Variants in CCSER2 observed in about 807,000 individuals in gnomAD.
CCSER2 encodes the protein serine-rich coiled-coil domain-containing protein 2.
Under a neutral mutation model 92.3 loss-of-function variants are expected in CCSER2, and 46 were observed. The ratio of observed to expected loss-of-function variants is 0.50; its 90% CI spans 0.39 to 0.64. The LOEUF is 0.64. Among genes scored for constraint, CCSER2 ranks in the 30% least tolerant of loss-of-function variants. The probability of loss-of-function intolerance (pLI) is 0.00; values close to 1 mark genes in which losing one functional copy is unlikely to be tolerated. For synonymous variants in CCSER2, 433 were observed against 431.4 expected (o/e 1.00, Z -0.04); for missense variants, 1,244 against 1,238.9 (o/e 1.00, Z -0.06).
At chr10:84,330,412 T>A (rs1406201652) in intron 1 of CCSER2, among the ~76,000 whole-genome samples, 2 of 152,224 alleles carry the variant, frequency 1.3e-5, no homozygotes, top group Non-Finnish European at 2.9e-5. Flanking sequence ...GTCTAGACAT[T>A]TCATCCCTCT....
At chr10:84,420,142 A>G (rs746116351) in intron 4 of CCSER2, among the ~76,000 whole-genome samples, 3 of 152,240 alleles carry the variant, frequency 2.0e-5, no homozygotes, top group African/African-American at 4.8e-5. Flanking sequence ...AGTAGAAAGA[A>G]AGGATCTTAG....
rs1413366087 is a variant in CCSER2, at chr10:84,371,047, T to A, written c.-6T>A. 7.5e-5 allele frequency: 118 copies of A among 1,564,010 alleles called. 1 individual carries two copies. The highest frequency in any genetic ancestry group is 1.0e-4 in the Non-Finnish European group (117 of 1,157,448). ...AACTTTTAAGAACAAATGCACCTTA[T>A]AGCTCATGGAAGAAAAAACACAAAT... On this transcript the variant is annotated 5_prime_UTR_variant, in exon 2 of 10. Coordinates refer to ENST00000372088, the MANE Select transcript of CCSER2 (RefSeq NM_001284240.2).
intron 6 of CCSER2, among the ~76,000 whole-genome samples, chr10:84,442,487 A>T (rs114217679): frequency 1.3e-5 from 2 of 152,214 alleles, no homozygotes; most frequent in African/African-American, 4.8e-5. Context: ...ATCTATCTAT[A>T]TCTACATCTG....
chr10:84,341,537 A>G (rs11592255), intron 1 of CCSER2, among the ~76,000 whole-genome samples: 18,692 of 151,748 alleles, frequency 0.12, 1,427 homozygotes, highest in Admixed American at 0.22. Flanking sequence ...CTGGACACCA[A>G]GCAATTCTGA....
intron 2 of CCSER2, among the ~76,000 whole-genome samples, chr10:84,372,702 T>C (rs1047766336): frequency 1.3e-5 from 2 of 152,136 alleles, no homozygotes; most frequent in African/African-American, 4.8e-5. Context: ...TTGTTGTTCT[T>C]TGGCTGTTAT....
intron 1 of CCSER2, among the ~76,000 whole-genome samples, chr10:84,336,327 A>G (rs1365469782): frequency 1.3e-4 from 20 of 152,212 alleles, no homozygotes; most frequent in Admixed American, 1.3e-3. Context: ...TGGAGCTTAC[A>G]TTCTAATGAC....
chr10:84,429,019 A>G (rs1843611489), intron 5 of CCSER2, among the ~76,000 whole-genome samples: 1 of 149,360 alleles, frequency 6.7e-6, no homozygotes, highest in African/African-American at 2.5e-5. Flanking sequence ...ATATATACAC[A>G]CTTAAGAAAT....
At chr10:84,513,121 G>A (rs2131887944) in intron 9 of CCSER2, among the ~76,000 whole-genome samples, 1 of 152,198 alleles carries the variant, frequency 6.6e-6, no homozygotes, top group Non-Finnish European at 1.5e-5. Flanking sequence ...GAATCATTCT[G>A]TCAAGCTCTA....
intron 6 of CCSER2, among the ~76,000 whole-genome samples, chr10:84,460,081 T>C (rs2133647688): frequency 7.0e-6 from 1 of 143,262 alleles, no homozygotes; most frequent in East Asian, 2.2e-4. Context: ...TGGTTTTGAT[T>C]CTTCGATTTT....
chr10:84,421,547 C>T (rs1394364199), intron 4 of CCSER2, among the ~76,000 whole-genome samples: 2 of 152,166 alleles, frequency 1.3e-5, no homozygotes, highest in African/African-American at 4.8e-5. Context: ...ATGGAGGAAA[C>T]TGCCCCCATG....
chr10:84,381,725 C>T (rs1424451098), intron 3 of CCSER2, among the ~76,000 whole-genome samples: 2 of 151,904 alleles, frequency 1.3e-5, no homozygotes, highest in Non-Finnish European at 2.9e-5. Context: ...GTCAGGAGTT[C>T]AAGACCAGCC....
chr10:84,441,782 G>A (rs920348863), intron 6 of CCSER2, among the ~76,000 whole-genome samples: 28 of 102,760 alleles, frequency 2.7e-4, no homozygotes, highest in African/African-American at 1.0e-3. Flanking sequence ...TTTTTGAGAC[G>A]AAGTCTCGCT....
At chr10:84,408,888 G>T (rs1332048827) in intron 3 of CCSER2, among the ~76,000 whole-genome samples, 1 of 152,104 alleles carries the variant, frequency 6.6e-6, no homozygotes, top group Non-Finnish European at 1.5e-5. Flanking sequence ...ATTTTGGGGG[G>T]AATGAAATTA....
intron 9 of CCSER2, among the ~76,000 whole-genome samples, chr10:84,510,644 G>A (rs1359282016): frequency 6.6e-6 from 1 of 152,228 alleles, no homozygotes; most frequent in African/African-American, 2.4e-5. Context: ...CAGTGGATGT[G>A]AGCAAGATGA....
intron 6 of CCSER2, among the ~76,000 whole-genome samples, chr10:84,456,530 A>G (rs988986624): frequency 6.6e-6 from 1 of 152,208 alleles, no homozygotes; most frequent in Non-Finnish European, 1.5e-5. Context: ...AGTTACAAAT[A>G]AAACTGCTGT....
chr10:84,386,426 T>C (rs1276554125), intron 3 of CCSER2, among the ~76,000 whole-genome samples: 1 of 152,162 alleles, frequency 6.6e-6, no homozygotes, highest in Non-Finnish European at 1.5e-5. Flanking sequence ...TAAAAAAGAA[T>C]GAAACTGAGA....
chr10:84,415,202 G>A lies in CCSER2; in HGVS notation c.1615-2569G>A, dbSNP rs11813915. On this transcript the variant is annotated intron_variant, in intron 3 of 9. Transcript: ENST00000372088. ...TGTGCCCTTGCTGGAGAAGTGTTGCGGTCATTTGCAGGAGATGAGGCACTC... is the reference window on the plus strand; with the variant it reads ...TGTGCCCTTGCTGGAGAAGTGTTGCAGTCATTTGCAGGAGATGAGGCACTC... Among the ~76,000 whole-genome samples the A allele has an allele frequency of 4.5e-3, 683 of 152,254 alleles. 8 individuals are homozygous for A. Among genetic ancestry groups the A allele is most frequent in the African/African-American group, 0.016 (654 of 41,552 alleles).
chr10:84,459,063 A>G (rs1218725413), intron 6 of CCSER2, among the ~76,000 whole-genome samples: 1 of 152,170 alleles, frequency 6.6e-6, no homozygotes, highest in Non-Finnish European at 1.5e-5. Flanking sequence ...ACTGGAATGC[A>G]GTGGCACGAT....
At chr10:84,485,273 T>C (rs1847738413) in intron 9 of CCSER2, among the ~76,000 whole-genome samples, 1 of 152,210 alleles carries the variant, frequency 6.6e-6, no homozygotes, top group Non-Finnish European at 1.5e-5. Flanking sequence ...TGTGCCATTT[T>C]ATAACTTGTG....
Sources: allele counts gnomAD v4.1 joint callset (sites outside exome capture counted in the v4.1 genomes callset), GRCh38; gene constraint gnomAD v4.1.1; transcripts MANE v1.5; gene names NCBI Gene and HGNC (gene_info 2026-07-23, HGNC 2026-07-21).